The following INTU variants were observed in gnomAD, a reference collection of about 807,000 sequenced individuals.
INTU encodes protein inturned.
In INTU, 68 loss-of-function variants were observed where a neutral mutation model predicts 100.5. The observed-to-expected ratio is 0.68, with a 90% CI of 0.56 to 0.83. INTU has a LOEUF of 0.83. Ranked by LOEUF, INTU falls within the 40% of genes least tolerant of loss-of-function variation. INTU has a pLI of 0.00. For synonymous variants in INTU, 357 were observed against 395.7 expected, an observed-to-expected ratio of 0.90 and a Z score of 1.16; for missense variants, 1,071 against 1,114.7, an observed-to-expected ratio of 0.96 and a Z score of 0.56.
intron 9 of INTU, among the ~76,000 whole-genome samples, chr4:127,701,601 A>G (rs964370816): frequency 6.6e-6 from 1 of 152,160 alleles, no homozygotes; most frequent in Admixed American, 6.6e-5. Context: ...ATGAAATTAT[A>G]TAATATCTGG....
rs1731311630 is a variant in INTU at position 127,719,295 on chromosome 4, CA to C, written c.*2860del. 2 of 152,144 alleles carry C rather than the reference CA, an allele frequency of 1.3e-5. No homozygotes were observed. Among genetic ancestry groups the C allele is most frequent in the South Asian group, 4.1e-4 (2 of 4,824 alleles). 9.4% of individuals were successfully genotyped at this position (152,144 alleles called of 1,614,324 possible). On this transcript the variant is annotated 3_prime_UTR_variant, in exon 16 of 16. Coordinates refer to ENST00000335251, the MANE Select transcript of INTU (RefSeq NM_015693.4). ...GTGATGAATTAAGTTTATTGATTTG[CA>C]TATGTTGAACCAGCCTCACATCCCG...
At chr4:127,664,607 T>C (rs976191996) in intron 4 of INTU, among the ~76,000 whole-genome samples, 5 of 152,130 alleles carry the variant, frequency 3.3e-5, no homozygotes, top group Non-Finnish European at 7.4e-5. Context: ...TTTGACATCA[T>C]GATATGATCC....
At position 127,687,666 on chromosome 4, in the gene INTU, T is replaced by C. The variant is rs1578604078; in HGVS notation, c.1260-12T>C. 1.2e-6 allele frequency: 2 copies of C among 1,600,360 alleles called. 1 individual carries two copies. The highest frequency in any genetic ancestry group is 2.2e-5 in the South Asian group (2 of 89,938). On this transcript the variant is annotated splice_polypyrimidine_tract_variant and intron_variant, in intron 7 of 15. Transcript: ENST00000335251. Reference sequence around the variant, plus strand: ...CATATGTCGTTCTAACTTACAGCTCTTATTTCTCCAGTGCCTTTTGCCAGA... The same window carrying C: ...CATATGTCGTTCTAACTTACAGCTCCTATTTCTCCAGTGCCTTTTGCCAGA...
intron 6 of INTU, among the ~76,000 whole-genome samples, chr4:127,681,348 A>G (rs907072372): frequency 1.3e-5 from 2 of 151,014 alleles, no homozygotes; most frequent in Admixed American, 1.3e-4. Context: ...CCTGACTTCA[A>G]ACTATACTAC....
chr4:127,639,909 T>C (rs535598560), intron 1 of INTU, among the ~76,000 whole-genome samples: 6 of 152,274 alleles, frequency 3.9e-5, no homozygotes, highest in African/African-American at 1.4e-4. Context: ...GACCAATCTC[T>C]TGATGCTTAC....
chr4:127,685,062 GAC>G (rs1177740057), intron 7 of INTU, among the ~76,000 whole-genome samples: 1 of 151,928 alleles, frequency 6.6e-6, no homozygotes, highest in Non-Finnish European at 1.5e-5. Flanking sequence ...TATTTAAAAA[GAC>G]ATACAGTAGA....
chr4:127,684,512 C>T (rs1460083071), intron 7 of INTU, 26 bp downstream of exon 7: 4 of 1,279,798 alleles, frequency 3.1e-6, no homozygotes, highest in African/African-American at 3.0e-5. Flanking sequence ...AATTGAATCT[C>T]AAGTTTTAAT....
rs1172936721 is a variant in INTU, at chr4:127,719,802, A to C, written c.*3366A>C. The C allele has an allele frequency of 6.6e-6, 1 of 151,962 alleles. No individual in the cohort carries two copies. The highest frequency in any genetic ancestry group is 1.5e-5 in the Non-Finnish European group (1 of 67,954). The allele number at this position is 151,962 out of a possible 1,614,324, so 9.4% of individuals were successfully genotyped here. ...TTATAGTATTGTCTGATGGTTGTTT[A>C]TATTTCCATGGGATCAGTGGTAATA... On this transcript the variant is annotated 3_prime_UTR_variant, in exon 16 of 16. Transcript: ENST00000335251.
Position 127,684,491 on chromosome 4 carries a change from G to A in INTU, c.1259+5G>A. The A allele has an allele frequency of 7.0e-7, 1 of 1,429,830 alleles. No homozygotes were observed. Among genetic ancestry groups the A allele is most frequent in the Admixed American group, 1.9e-5 (1 of 52,614 alleles). The allele number at this position is 1,429,830 out of a possible 1,614,324, so 88.6% of individuals were successfully genotyped here. ...TATGTATGGTTCTTTAGATAGGTAA[G>A]TACTTCTTCAAATTGAATCTCAAGT... On this transcript the variant is annotated splice_donor_5th_base_variant and intron_variant, in intron 7 of 15. Transcript: ENST00000335251.
At chr4:127,678,764 A>T (rs1224578828) in intron 6 of INTU, among the ~76,000 whole-genome samples, 9 of 152,328 alleles carry the variant, frequency 5.9e-5, no homozygotes, top group Middle Eastern at 6.8e-3. Flanking sequence ...TTGACTTTAA[A>T]TGTAAATGCA....
At chr4:127,692,429 A>G (rs1443714117) in intron 8 of INTU, among the ~76,000 whole-genome samples, 2 of 151,782 alleles carry the variant, frequency 1.3e-5, no homozygotes, top group Non-Finnish European at 2.9e-5. Context: ...CCACTTTTTG[A>G]TGGGATTGTT....
chr4:127,637,566 T>A, intron 1 of INTU, among the ~76,000 whole-genome samples: 1 of 152,228 alleles, frequency 6.6e-6, no homozygotes, highest in East Asian at 1.9e-4. Context: ...AAGTTCTACC[T>A]TCTCCTAGAA....
chr4:127,679,072 G>C (rs1432607880), intron 6 of INTU, among the ~76,000 whole-genome samples: 1 of 151,502 alleles, frequency 6.6e-6, no homozygotes, highest in Non-Finnish European at 1.5e-5. Flanking sequence ...ATATATATGC[G>C]CCCAATACAG....
chr4:127,640,288 C>A (rs1189676191), intron 1 of INTU, among the ~76,000 whole-genome samples: 1 of 151,648 alleles, frequency 6.6e-6, no homozygotes, highest in African/African-American at 2.4e-5. Context: ...CATAATAGAA[C>A]AAAATTTGAA....
intron 8 of INTU, among the ~76,000 whole-genome samples, chr4:127,692,590 T>G (rs957506622): frequency 1.3e-5 from 2 of 152,222 alleles, no homozygotes; most frequent in Non-Finnish European, 2.9e-5. Context: ...TTAGTTTAAT[T>G]AAGTCCCATC....
chr4:127,716,663 A>G lies in INTU; in HGVS notation c.*227A>G, dbSNP rs1459338425. On this transcript the variant is annotated 3_prime_UTR_variant, in exon 16 of 16. Transcript: ENST00000335251. ...ACTTGATTAAAATGTGAAAGAAGGGATTGTTAACTTATTGCTATTTTGGTA... is the reference window on the plus strand; with the variant it reads ...ACTTGATTAAAATGTGAAAGAAGGGGTTGTTAACTTATTGCTATTTTGGTA... 3.4e-6 allele frequency: 1 copy of G among 291,470 alleles called. No homozygotes were observed. The highest frequency in any genetic ancestry group is 2.2e-5 in the African/African-American group (1 of 45,994). The allele number at this position is 291,470 out of a possible 1,614,324, so 18.1% of individuals were successfully genotyped here.
rs1173301439 is a variant in INTU, at chr4:127,724,433, A to AT, written c.*7997_*7998insT. The AT allele has an allele frequency of 5.3e-5, 8 of 151,940 alleles. No homozygotes were observed. In the East Asian group the frequency reaches 8.0e-4, roughly 15 times the overall value. The allele number at this position is 151,940 out of a possible 1,614,324, so 9.4% of individuals were successfully genotyped here. A position where few individuals can be genotyped will look rare whatever the true frequency, so the allele number is the denominator to read the frequency against. ...AGACTCCGTCTCAAAAAAAAAAAAA[A>AT]AAATACTAACTTTTATCTTAGAAAT... On this transcript the variant is annotated 3_prime_UTR_variant, in exon 16 of 16. Transcript: ENST00000335251.
rs573842566 is a variant in INTU, at chr4:127,719,247, T to G, written c.*2811T>G. On this transcript the variant is annotated 3_prime_UTR_variant, in exon 16 of 16. Coordinates refer to ENST00000335251, the MANE Select transcript of INTU (RefSeq NM_015693.4). The stretch of plus-strand genomic sequence containing the variant: ...TGCATCTATTGAGTTAATCATGTGG[T>G]CTTTGTCTTTAGTTCTGTTTGTGTG... 1 of 152,208 alleles carries G rather than the reference T, an allele frequency of 6.6e-6. No homozygotes were observed. Among genetic ancestry groups the G allele is most frequent in the Non-Finnish European group, 1.5e-5 (1 of 68,034 alleles). 9.4% of individuals were successfully genotyped at this position (152,208 alleles called of 1,614,324 possible).
intron 7 of INTU, chr4:127,686,672 A>G (rs1350896296): frequency 6.6e-6 from 1 of 152,112 alleles, no homozygotes; most frequent in East Asian, 1.9e-4. Context: ...CACACCACCC[A>G]TTCATATTGT....
Sources: gnomAD v4.1 joint callset for allele counts (sites outside exome capture counted in the v4.1 genomes callset) on GRCh38, gnomAD v4.1.1 for gene constraint, MANE v1.5 for transcripts, NCBI Gene and HGNC (gene_info 2026-07-23, HGNC 2026-07-21) for gene names.